Variants in IGF2R observed in about 807,000 individuals in gnomAD.
IGF2R encodes cation-independent mannose-6-phosphate receptor.
In IGF2R, 91 loss-of-function variants were observed where a neutral mutation model predicts 270.6. The ratio of observed to expected loss-of-function variants is 0.34; its 90% CI spans 0.28 to 0.40. IGF2R has a LOEUF of 0.40. Ranked by LOEUF, IGF2R falls within the 10% of genes least tolerant of loss-of-function variation. IGF2R has a pLI of 1.00. For missense variants in IGF2R, 2,805 were observed against 3,188.3 expected, an observed-to-expected ratio of 0.88 and a Z score of 2.90; for synonymous variants, 1,316 against 1,258.9, an observed-to-expected ratio of 1.05 and a Z score of -0.96.
intron 15 of IGF2R, 109 bp downstream of exon 15, chr6:160,046,754 T>G: frequency 8.5e-7 from 1 of 1,183,340 alleles, no homozygotes; most frequent in Non-Finnish European, 1.2e-6. Flanking sequence ...TGACAAGCAT[T>G]TAAATACTGA....
At chr6:160,009,565 G>GC (rs1398092774) in intron 3 of IGF2R, among the ~76,000 whole-genome samples, 12 of 152,092 alleles carry the variant, frequency 7.9e-5, no homozygotes, top group African/African-American at 2.9e-4. Context: ...AGAAGCCTTG[G>GC]CCCGTGGGTA....
chr6:160,051,802 T>TA (rs1284044133), intron 19 of IGF2R, among the ~76,000 whole-genome samples: 1 of 151,462 alleles, frequency 6.6e-6, no homozygotes, highest in Non-Finnish European at 1.5e-5. Flanking sequence ...ACAAAAAATT[T>TA]AAAAAAAAAT....
chr6:160,009,157 T>G, intron 3 of IGF2R, 23 bp downstream of exon 3: 1 of 1,593,298 alleles, frequency 6.3e-7, no homozygotes, highest in Non-Finnish European at 8.5e-7. Context: ...AGGCACTTGA[T>G]GTATTTCTTT....
chr6:160,049,501 G>T (rs547801742), intron 18 of IGF2R, among the ~76,000 whole-genome samples: 4 of 152,158 alleles, frequency 2.6e-5, no homozygotes, highest in African/African-American at 4.8e-5. Flanking sequence ...CAGTGCAAAA[G>T]CTCCAGCCCT....
chr6:160,009,956 A>G (rs1784307333), intron 3 of IGF2R, among the ~76,000 whole-genome samples: 1 of 150,614 alleles, frequency 6.6e-6, no homozygotes, highest in African/African-American at 2.5e-5. Flanking sequence ...GGATCCGCAT[A>G]TAAATTGCAT....
intron 13 of IGF2R, 148 bp downstream of exon 13, chr6:160,044,805 GGA>G: frequency 1.5e-6 from 1 of 648,596 alleles, no homozygotes; most frequent in Non-Finnish European, 2.5e-6. Context: ...TCTGGCGATG[GGA>G]GATAGGTCAT....
chr6:160,094,131 C>T, intron 44 of IGF2R: 1 of 432,072 alleles, frequency 2.3e-6, no homozygotes, highest in South Asian at 2.0e-5. Flanking sequence ...ATAACAACCC[C>T]AAATATGTTC....
chr6:160,017,189 C>T (rs112990351), intron 4 of IGF2R, among the ~76,000 whole-genome samples: 5 of 151,958 alleles, frequency 3.3e-5, no homozygotes, highest in African/African-American at 9.7e-5. Context: ...AGTAGAATTT[C>T]TAGAAATGAA....
intron 31 of IGF2R, among the ~76,000 whole-genome samples, chr6:160,070,618 C>T (rs1360800363): frequency 1.3e-5 from 2 of 152,122 alleles, no homozygotes; most frequent in Admixed American, 1.3e-4. Flanking sequence ...TCTTCCCTTA[C>T]TTGTTTGGCA....
chr6:160,020,867 G>T (rs1282164338), intron 4 of IGF2R, among the ~76,000 whole-genome samples: 1 of 152,152 alleles, frequency 6.6e-6, no homozygotes. Context: ...CCCAGGAAAA[G>T]CTCTCTCGGA....
At chr6:160,027,147 A>G (rs753441594) in intron 5 of IGF2R, 38 bp from the exon 6 acceptor site, 2 of 1,612,534 alleles carry the variant, frequency 1.2e-6, no homozygotes. Context: ...TATCACTCCT[A>G]ACACCTAATC....
chr6:160,101,540 G>A (rs949249640), intron 45 of IGF2R, among the ~76,000 whole-genome samples: 8 of 152,252 alleles, frequency 5.3e-5, no homozygotes, highest in African/African-American at 9.6e-5. Context: ...CGGCTGGGCC[G>A]CGGGTTGGCC....
intron 11 of IGF2R, among the ~76,000 whole-genome samples, 200 bp downstream of exon 11, chr6:160,040,924 T>C (rs1777931831): frequency 6.6e-6 from 1 of 152,198 alleles, no homozygotes; most frequent in African/African-American, 2.4e-5. Flanking sequence ...GAGACCAGCA[T>C]TTTTGACCTT....
chr6:159,988,745 G>A (rs1264375593), intron 1 of IGF2R, among the ~76,000 whole-genome samples: 1 of 152,058 alleles, frequency 6.6e-6, no homozygotes, highest in Non-Finnish European at 1.5e-5. Context: ...CATTTTTCCT[G>A]AGTAGTAGCC....
At chr6:160,024,106 G>A (rs867046271) in intron 4 of IGF2R, among the ~76,000 whole-genome samples, 4 of 152,300 alleles carry the variant, frequency 2.6e-5, no homozygotes, top group Middle Eastern at 3.4e-3. Context: ...GCTGGTAAGC[G>A]GGGTTTTGCT....
chr6:160,068,207 A>G (rs768536911), intron 29 of IGF2R, 42 bp from the exon 30 acceptor site: 3 of 1,611,074 alleles, frequency 1.9e-6, no homozygotes, highest in East Asian at 2.2e-5. Context: ...TTTAAAGAGA[A>G]TACGACCAAG....
At chr6:159,970,966 G>A (rs2115162975) in intron 1 of IGF2R, among the ~76,000 whole-genome samples, 1 of 152,330 alleles carries the variant, frequency 6.6e-6, no homozygotes, top group African/African-American at 2.4e-5. Flanking sequence ...TGTCCTCCCA[G>A]TTAAGGGAGG....
At chr6:159,997,336 G>C (rs994191511) in intron 2 of IGF2R, among the ~76,000 whole-genome samples, 1 of 152,176 alleles carries the variant, frequency 6.6e-6, no homozygotes, top group Non-Finnish European at 1.5e-5. Context: ...AGAAAGGTCT[G>C]CAGGGCCTCT....
At chr6:159,995,856 T>A (rs890299353) in intron 2 of IGF2R, among the ~76,000 whole-genome samples, 1 of 151,754 alleles carries the variant, frequency 6.6e-6, no homozygotes, top group African/African-American at 2.4e-5. Flanking sequence ...GGTCCACTGC[T>A]GGAGAGTTAG....
Sources: gnomAD v4.1 joint callset for allele counts (sites outside exome capture counted in the v4.1 genomes callset) on GRCh38, gnomAD v4.1.1 for gene constraint, MANE v1.5 for transcripts, NCBI Gene and HGNC (gene_info 2026-07-23, HGNC 2026-07-21) for gene names.